The following ZDHHC16 variants were observed in gnomAD, a reference collection of about 807,000 sequenced individuals.
ZDHHC16 encodes the protein palmitoyltransferase ZDHHC16.
A neutral mutation model predicts 54.4 loss-of-function variants in ZDHHC16; 33 were observed. The ratio of observed to expected loss-of-function variants is 0.61; its 90% CI spans 0.46 to 0.81. The LOEUF (loss-of-function observed/expected upper bound fraction) is 0.81. Ranked by LOEUF, ZDHHC16 falls within the 30% of genes least tolerant of loss-of-function variation. The pLI is 0.00. For synonymous variants in ZDHHC16, 185 were observed against 182.1 expected (o/e 1.02, Z -0.13); for missense variants, 420 against 485.9 (o/e 0.86, Z 1.28).
Position 97,452,876 on chromosome 10 carries a change from C to T in ZDHHC16, c.528-19C>T. The T allele has an allele frequency of 6.2e-7, 1 of 1,614,228 alleles. No individual in the cohort carries two copies. Among genetic ancestry groups the T allele is most frequent in the Non-Finnish European group, 8.5e-7 (1 of 1,180,040 alleles). On this transcript the variant is annotated intron_variant, in intron 5 of 11. Coordinates refer to ENST00000393760, the MANE Select transcript of ZDHHC16 (RefSeq NM_198046.3). ...AGAACTTTGGCCACCGTAACAGAGC[C>T]TGTGTCCCTTCCTCACAGGTGTGTG...
At chr10:97,449,054 G>C (rs1846356132) in intron 1 of ZDHHC16, among the ~76,000 whole-genome samples, 1 of 152,144 alleles carries the variant, frequency 6.6e-6, no homozygotes, top group South Asian at 2.1e-4. Flanking sequence ...TGAACACAAG[G>C]AGATTGAGTC....
Position 97,452,525 on chromosome 10 carries a change from TG to T in ZDHHC16, c.527+25del, listed in dbSNP as rs755981536. ...ACAGGTGGGTCTTGGCTTTGCTCTC[TG>T]GGAATCCCAGCTGTGGTCCTTCTGT... On this transcript the variant is annotated intron_variant, in intron 5 of 11. Coordinates refer to ENST00000393760, the MANE Select transcript of ZDHHC16 (RefSeq NM_198046.3). 13 of 1,610,332 alleles carry T rather than the reference TG, an allele frequency of 8.1e-6. No individual in the cohort carries two copies. The South Asian group carries it at 1.3e-4, about 16-fold the overall frequency.
intron 11 of ZDHHC16, chr10:97,456,331 A>T (rs1055331774): frequency 9.2e-6 from 4 of 433,184 alleles, no homozygotes; most frequent in African/African-American, 6.0e-5. Flanking sequence ...GTCACCTCTC[A>T]CTTGGAGAGC....
At chr10:97,456,226 T>G in intron 11 of ZDHHC16, 182 bp downstream of exon 11, 1 of 602,624 alleles carries the variant, frequency 1.7e-6, no homozygotes, top group Non-Finnish European at 2.8e-6. Context: ...TGTGTGGTTT[T>G]AAGTAACAGA....
At chr10:97,456,201 G>GC in intron 11 of ZDHHC16, 157 bp downstream of exon 11, 1 of 731,272 alleles carries the variant, frequency 1.4e-6, no homozygotes, top group Middle Eastern at 2.4e-4. Flanking sequence ...AACCAGAAAG[G>GC]CTTGAGGCCA....
In ZDHHC16 at chr10:97,451,919, G is replaced by T. The variant is rs1846663203; in HGVS notation, c.243+1G>T. On this transcript the variant is annotated splice_donor_variant, in intron 3 of 11. Coordinates refer to ENST00000393760, the MANE Select transcript of ZDHHC16 (RefSeq NM_198046.3). LOFTEE classifies it high-confidence loss of function. ...CAACGTGATCCGCTGGTTTGGAGTGGTGAGTGATGTCCAGGGAGCAGGAAA... is the reference window on the plus strand; with the variant it reads ...CAACGTGATCCGCTGGTTTGGAGTGTTGAGTGATGTCCAGGGAGCAGGAAA... 6.2e-7 allele frequency: 1 copy of T among 1,608,190 alleles called. No homozygotes were observed. The highest frequency in any genetic ancestry group is 8.5e-7 in the Non-Finnish European group (1 of 1,176,392).
At chr10:97,456,224 T>G in intron 11 of ZDHHC16, 180 bp downstream of exon 11, 1 of 610,614 alleles carries the variant, frequency 1.6e-6, no homozygotes, top group Non-Finnish European at 2.7e-6. Context: ...ACTGTGTGGT[T>G]TTAAGTAACA....
chr10:97,453,825 A>G lies in ZDHHC16; in HGVS notation c.717A>G (p.Lys239=). The change falls in exon 8 of 12, where the codon AAA becomes AAG. Residue 239 remains lysine, a synonymous_variant. Transcript: ENST00000393760. ...IEKMKQLDKN[K]LQAVANQTYH... is the part of the protein sequence containing the mutation. ...AAATGAAACAGCTCGACAAGAACAAACTACAGGCGGTTGCCAACCAGGTGG... is the reference window on the plus strand; with the variant it reads ...AAATGAAACAGCTCGACAAGAACAAGCTACAGGCGGTTGCCAACCAGGTGG... 6.2e-7 allele frequency: 1 copy of G among 1,614,168 alleles called. No homozygotes were observed. The highest frequency in any genetic ancestry group is 1.1e-5 in the South Asian group (1 of 91,078).
Position 97,452,144 on chromosome 10 carries a change from C to G in ZDHHC16, c.298C>G (p.Leu100Val). The change falls in exon 4 of 12, where the codon CTG becomes GTG. Residue 100 changes from leucine (L) to valine (V), a missense_variant. By Grantham distance (32) the Leu-to-Val change is conservative. Transcript: ENST00000393760. Reference protein sequence around the residue: ...LTGSIVAIAYLCVLPLILRTY... With the variant: ...LTGSIVAIAYVCVLPLILRTY... ...AGGCTCCATTGTAGCTATCGCCTACCTGTGTGTCCTGCCTCTCATCCTCCG... is the reference window on the plus strand; with the variant it reads ...AGGCTCCATTGTAGCTATCGCCTACGTGTGTGTCCTGCCTCTCATCCTCCG... 1 of 1,614,106 alleles carries G rather than the reference C, an allele frequency of 6.2e-7. No homozygotes were observed. Among genetic ancestry groups the G allele is most frequent in the Non-Finnish European group, 8.5e-7 (1 of 1,180,038 alleles).
At position 97,451,707 on chromosome 10, in the gene ZDHHC16, C is replaced by T. The variant is rs375228740; in HGVS notation, c.32C>T (p.Pro11Leu). 85 of 1,611,976 alleles carry T rather than the reference C, an allele frequency of 5.3e-5. 1 individual carries two copies. The highest frequency in any genetic ancestry group is 2.7e-4 in the East Asian group (12 of 44,894). Residue 11 changes from proline to leucine, a missense_variant, in exon 3 of 12, where the codon CCG (proline) becomes CTG (leucine). Physicochemically the swap from Pro to Leu is moderately conservative, Grantham distance 98. Transcript: ENST00000393760. ...GGCCAGCGGAGCCTGCTGCTGGGCC[C>T]GGCCCGCCTCTGCCTCCGCCTCCTT... Reference protein sequence around the residue: MRGQRSLLLGPARLCLRLLLL... With the variant: MRGQRSLLLGLARLCLRLLLL...
At chr10:97,453,359 C>T (rs1483699337) in intron 6 of ZDHHC16, among the ~76,000 whole-genome samples, 171 bp from the exon 7 acceptor site, 2 of 152,162 alleles carry the variant, frequency 1.3e-5, no homozygotes, top group Admixed American at 6.5e-5. Context: ...GCATTTTCAC[C>T]TCAACCTTGG....
At chr10:97,452,375 C>T in intron 4 of ZDHHC16, 40 bp from the exon 5 acceptor site, 1 of 1,611,802 alleles carries the variant, frequency 6.2e-7, no homozygotes, top group Non-Finnish European at 8.5e-7. Flanking sequence ...TTTTGAGAGA[C>T]AGAACTGGTG....
intron 2 of ZDHHC16, among the ~76,000 whole-genome samples, 167 bp from the exon 3 acceptor site, chr10:97,451,504 G>A (rs1249870784): frequency 6.6e-6 from 1 of 152,250 alleles, no homozygotes; most frequent in Non-Finnish European, 1.5e-5. Flanking sequence ...GCACTGGTCA[G>A]TCCGTAGAAA....
chr10:97,455,170 T>C (rs554880871), intron 9 of ZDHHC16, among the ~76,000 whole-genome samples: 2 of 152,346 alleles, frequency 1.3e-5, no homozygotes, highest in African/African-American at 4.8e-5. Flanking sequence ...CTAGTAGGAA[T>C]ATTAGCACTG....
Position 97,453,970 on chromosome 10 carries a change from T to C in ZDHHC16, c.738+124T>C, listed in dbSNP as rs1589511832. 3 of 1,259,720 alleles carry C rather than the reference T, an allele frequency of 2.4e-6. No individual in the cohort carries two copies. In the South Asian group the frequency reaches 4.1e-5, roughly 17 times the overall value. 78.0% of individuals were successfully genotyped at this position (1,259,720 alleles called of 1,614,324 possible). On this transcript the variant is annotated intron_variant, in intron 8 of 11. Transcript: ENST00000393760. ...TGCCGAGAGGCCACTCTAGACCAGATCAGGAGTGTTCAGGCAGGCTGGCTG... is the reference window on the plus strand; with the variant it reads ...TGCCGAGAGGCCACTCTAGACCAGACCAGGAGTGTTCAGGCAGGCTGGCTG...
intron 5 of ZDHHC16, 159 bp from the exon 6 acceptor site, chr10:97,452,736 C>T: frequency 9.7e-7 from 1 of 1,029,212 alleles, no homozygotes; most frequent in Non-Finnish European, 1.5e-6. Flanking sequence ...TATCTTATAG[C>T]CATTAAACTG....
At chr10:97,449,096 C>T (rs973993130) in intron 1 of ZDHHC16, among the ~76,000 whole-genome samples, 17 of 152,238 alleles carry the variant, frequency 1.1e-4, no homozygotes, top group East Asian at 3.9e-4. Flanking sequence ...TCTGAGGTTA[C>T]GGAACTGCTT....
At chr10:97,451,370 G>A (rs1014661197) in intron 2 of ZDHHC16, among the ~76,000 whole-genome samples, 4 of 152,194 alleles carry the variant, frequency 2.6e-5, no homozygotes, top group African/African-American at 9.7e-5. Context: ...CCCCTTTCCT[G>A]TGGCCTGTTG....
intron 1 of ZDHHC16, among the ~76,000 whole-genome samples, chr10:97,449,674 A>G (rs1205297512): frequency 6.6e-6 from 1 of 151,762 alleles, no homozygotes; most frequent in Non-Finnish European, 1.5e-5. Flanking sequence ...GATTACAGGC[A>G]CGCGCCACCA....
Sources: allele counts gnomAD v4.1 joint callset (sites outside exome capture counted in the v4.1 genomes callset), GRCh38; gene constraint gnomAD v4.1.1; transcripts MANE v1.5; gene names NCBI Gene and HGNC (gene_info 2026-07-23, HGNC 2026-07-21).